The following DSCAM variants were observed in gnomAD, a reference collection of about 807,000 sequenced individuals.
DSCAM encodes the protein cell adhesion molecule DSCAM.
A neutral mutation model predicts 217.7 loss-of-function variants in DSCAM; 47 were observed. That is an observed-to-expected ratio of 0.22 (90% CI 0.17 to 0.28). DSCAM has a LOEUF of 0.28. DSCAM is among the 10% of genes least tolerant of loss of function. The pLI is 1.00. For synonymous variants in DSCAM, 1,056 were observed against 1,015.3 expected (o/e 1.04, Z -0.76); for missense variants, 2,080 against 2,618.3 (o/e 0.79, Z 4.49).
intron 27 of DSCAM, among the ~76,000 whole-genome samples, chr21:40,065,613 G>A (rs1178856114): frequency 6.6e-6 from 1 of 152,260 alleles, no homozygotes; most frequent in Non-Finnish European, 1.5e-5. Context: ...GGTTGGGGTC[G>A]GTGCTCCTGC....
rs961697340 is a variant in DSCAM, at chr21:40,601,051, A to G, written c.508+91759T>C. Among the ~76,000 whole-genome samples, 4 of 152,138 alleles carry G rather than the reference A, an allele frequency of 2.6e-5. No individual in the cohort carries two copies. The East Asian group carries it at 5.8e-4, about 22-fold the overall frequency. On this transcript the variant is annotated intron_variant, in intron 3 of 32. Coordinates refer to ENST00000400454, the MANE Select transcript of DSCAM (RefSeq NM_001389.5). ...TGTAAGCTTTAGAATCAGTTTTTCA[A>G]TGTGTAAAAATTGGCTTGCTGAGAT...
At chr21:40,165,893 T>C (rs1164063310) in intron 16 of DSCAM, among the ~76,000 whole-genome samples, 2 of 151,758 alleles carry the variant, frequency 1.3e-5, no homozygotes, top group Non-Finnish European at 2.9e-5. Context: ...TATTCTACAA[T>C]GTGTGTGATG....
rs965347952 is a variant in DSCAM at position 40,340,395 on chromosome 21, T to C, written c.1211-980A>G. ...TTATATAGTAATAGTTACAAATGCATGTTTCTTTTATATATGTTTTTCCAT... is the reference window on the plus strand; with the variant it reads ...TTATATAGTAATAGTTACAAATGCACGTTTCTTTTATATATGTTTTTCCAT... On this transcript the variant is annotated intron_variant, in intron 6 of 32. Transcript: ENST00000400454. 2.6e-5 allele frequency among the ~76,000 whole-genome samples: 4 copies of C among 152,228 alleles called. No homozygotes were observed. In the East Asian group the frequency reaches 7.7e-4, roughly 29 times the overall value.
At chr21:40,032,275 T>G (rs940374487) in intron 32 of DSCAM, among the ~76,000 whole-genome samples, 16 of 152,188 alleles carry the variant, frequency 1.1e-4, no homozygotes, top group Admixed American at 3.9e-4. Context: ...CTAAGTTCTG[T>G]GCTTGCCTAA....
intron 20 of DSCAM, among the ~76,000 whole-genome samples, chr21:40,113,263 C>G (rs375766304): frequency 0.12 from 18,452 of 151,992 alleles, 1,214 homozygotes; most frequent in Non-Finnish European, 0.16. Flanking sequence ...TCAGCATACG[C>G]AAATCAATAA....
At chr21:40,603,517 T>C (rs2077077971) in intron 3 of DSCAM, among the ~76,000 whole-genome samples, 2 of 152,192 alleles carry the variant, frequency 1.3e-5, no homozygotes, top group Admixed American at 1.3e-4. Flanking sequence ...CTCCTTTTGT[T>C]ATGTAAATCT....
intron 3 of DSCAM, among the ~76,000 whole-genome samples, chr21:40,461,928 A>AATTTTAGAC (rs2075809217): frequency 6.6e-6 from 1 of 152,208 alleles, no homozygotes; most frequent in African/African-American, 2.4e-5. Flanking sequence ...CCAACACCTT[A>AATTTTAGAC]ATTTTAGACC....
chr21:40,729,372 C>G (rs1477187387), intron 1 of DSCAM, among the ~76,000 whole-genome samples: 1 of 152,220 alleles, frequency 6.6e-6, no homozygotes, highest in Non-Finnish European at 1.5e-5. Context: ...AGGACACACA[C>G]AGTTCTGTTT....
intron 11 of DSCAM, among the ~76,000 whole-genome samples, chr21:40,213,174 C>T (rs1407423979): frequency 1.3e-5 from 2 of 152,222 alleles, no homozygotes; most frequent in Non-Finnish European, 2.9e-5. Flanking sequence ...ATGTATTTCA[C>T]AAAACTTTTA....
At chr21:40,779,936 G>A (rs890551827) in intron 1 of DSCAM, among the ~76,000 whole-genome samples, 1 of 152,170 alleles carries the variant, frequency 6.6e-6, no homozygotes, top group African/African-American at 2.4e-5. Flanking sequence ...TATATATACA[G>A]CTATATCCAT....
chr21:40,419,855 T>C (rs2075406292), intron 3 of DSCAM, among the ~76,000 whole-genome samples: 1 of 152,280 alleles, frequency 6.6e-6, no homozygotes, highest in South Asian at 2.1e-4. Context: ...ATTAAAATTA[T>C]ATAAAATTAC....
chr21:40,398,329 T>A (rs2075200985), intron 3 of DSCAM, among the ~76,000 whole-genome samples: 1 of 152,206 alleles, frequency 6.6e-6, no homozygotes, highest in South Asian at 2.1e-4. Context: ...CCCGGATCCC[T>A]TTTGCAGTTG....
chr21:40,730,470 G>C (rs1017830384), intron 1 of DSCAM, among the ~76,000 whole-genome samples: 3 of 152,250 alleles, frequency 2.0e-5, no homozygotes, highest in African/African-American at 7.2e-5. Flanking sequence ...TTCCAAGAGA[G>C]AGTGTGAAGA....
At chr21:40,351,615 AAG>A (rs2074631955) in intron 5 of DSCAM, among the ~76,000 whole-genome samples, 1 of 152,164 alleles carries the variant, frequency 6.6e-6, no homozygotes. Context: ...TCCAATAGAG[AAG>A]AGAGATAGGA....
At chr21:40,827,868 A>G (rs535122678) in intron 1 of DSCAM, among the ~76,000 whole-genome samples, 3 of 152,350 alleles carry the variant, frequency 2.0e-5, no homozygotes, top group East Asian at 3.9e-4. Flanking sequence ...ATCAAGCTGC[A>G]ACAGATTGGA....
chr21:40,187,114 G>A lies in DSCAM; in HGVS notation c.2779+17C>T, dbSNP rs1420007492. ...TTTCTGAGGTGGAAGGGAAGCTGGA[G>A]GAAGTAAAGAACTTACCTGATTTAT... On this transcript the variant is annotated intron_variant, in intron 14 of 32. Transcript: ENST00000400454. 8 of 1,611,144 alleles carry A rather than the reference G, an allele frequency of 5.0e-6. No individual in the cohort carries two copies. The highest frequency in any genetic ancestry group is 6.8e-6 in the Non-Finnish European group (8 of 1,178,874).
chr21:40,462,991 T>C (rs1357178448), intron 3 of DSCAM, among the ~76,000 whole-genome samples: 1 of 152,246 alleles, frequency 6.6e-6, no homozygotes, highest in African/African-American at 2.4e-5. Context: ...GTTGATTTAT[T>C]GTATCACTGC....
chr21:40,650,429 C>T (rs1329213049), intron 3 of DSCAM, among the ~76,000 whole-genome samples: 1 of 152,170 alleles, frequency 6.6e-6, no homozygotes, highest in South Asian at 2.1e-4. Context: ...AACATTATTT[C>T]TGGGTGTGTC....
At chr21:40,306,598 T>C (rs1323291675) in intron 9 of DSCAM, among the ~76,000 whole-genome samples, 6 of 149,878 alleles carry the variant, frequency 4.0e-5, no homozygotes, top group Non-Finnish European at 5.9e-5. Context: ...ATAGCTCTTA[T>C]TATTTTGAGA....
Sources: allele counts gnomAD v4.1 joint callset (sites outside exome capture counted in the v4.1 genomes callset), GRCh38; gene constraint gnomAD v4.1.1; transcripts MANE v1.5; gene names NCBI Gene and HGNC (gene_info 2026-07-23, HGNC 2026-07-21).